PITX1: variants seen among roughly 807,000 people sequenced by gnomAD.
PITX1 encodes the protein pituitary homeobox 1.
Under a neutral mutation model 24.1 loss-of-function variants are expected in PITX1, and 5 were observed. That is an observed-to-expected ratio of 0.21 (90% CI 0.11 to 0.44). The LOEUF is 0.44. Among genes scored for constraint, PITX1 ranks in the 20% least tolerant of loss-of-function variants. The pLI is 0.99. For missense variants in PITX1, 401 were observed against 455.4 expected (o/e 0.88, Z 1.09); for synonymous variants, 213 against 208.9 (o/e 1.02, Z -0.17).
rs769968771 is a variant in PITX1 at position 135,029,033 on chromosome 5, G to T, written c.691C>A (p.Pro231Thr). 62 of 1,614,108 alleles carry T rather than the reference G, an allele frequency of 3.8e-5. No homozygotes were observed. Among genetic ancestry groups the T allele is most frequent in the Admixed American group, 1.2e-4 (7 of 60,012 alleles). Reference sequence around the variant, plus strand: ...TTGGGCATGCCAGGCACGGCGCCTGGGCCCATGCTGGACGGCATGGTCATG... The same window carrying T: ...TTGGGCATGCCAGGCACGGCGCCTGTGCCCATGCTGGACGGCATGGTCATG... ...SSMTMPSSMG[P>T]GAVPGMPNSG... Residue 231 changes from proline to threonine, a missense_variant, in exon 3 of 3, where the codon CCA becomes ACA. Coordinates refer to ENST00000265340, the MANE Select transcript of PITX1 (RefSeq NM_002653.5).
chr5:135,034,401 C>A, upstream of PITX1: 1 of 151,276 alleles, frequency 6.6e-6, no homozygotes, highest in South Asian at 1.9e-4. Flanking sequence ...CTCCCTCCCT[C>A]CCTGCCTCGC....
intron 1 of PITX1, 141 bp from the exon 2 acceptor site, chr5:135,031,649 C>T (rs1752452622): frequency 8.8e-6 from 6 of 685,168 alleles, no homozygotes; most frequent in African/African-American, 1.8e-5. Context: ...ACTGTCCCCA[C>T]TGGAAAGCGC....
rs976925828 is a variant in PITX1, at chr5:135,031,569, G to A, written c.170-61C>T. On this transcript the variant is annotated intron_variant, in intron 1 of 2. Coordinates refer to ENST00000265340, the MANE Select transcript of PITX1 (RefSeq NM_002653.5). Reference sequence around the variant, plus strand: ...CTTACGCCCCGTTGCACCCCGTCCCGGCTCCACCGAACCGCTCGCCACCAG... The same window carrying A: ...CTTACGCCCCGTTGCACCCCGTCCCAGCTCCACCGAACCGCTCGCCACCAG... The A allele has an allele frequency of 1.7e-5, 23 of 1,390,852 alleles. No individual in the cohort carries two copies. The East Asian group carries it at 3.2e-4, about 19-fold the overall frequency. The allele number at this position is 1,390,852 out of a possible 1,614,324, so 86.2% of individuals were successfully genotyped here. A position where few individuals can be genotyped will look rare whatever the true frequency, so the allele number is the denominator to read the frequency against.
chr5:135,033,848 G>C lies in PITX1; in HGVS notation c.34C>G (p.Arg12Gly), dbSNP rs1166881422. 3 of 1,504,466 alleles carry C rather than the reference G, an allele frequency of 2.0e-6. No individual in the cohort carries two copies. In the African/African-American group the frequency reaches 4.4e-5, roughly 22 times the overall value. The allele number at this position is 1,504,466 out of a possible 1,614,324, so 93.2% of individuals were successfully genotyped here. The change falls in exon 1 of 3, where the codon CGG (arginine) becomes GGG (glycine). Residue 12 changes from arginine (R) to glycine (G), a missense_variant. Arg to Gly is a moderately radical substitution (Grantham distance 125). This residue lies in a region of PITX1 where 136 missense variants were observed against 133.3 expected (regional missense o/e 1.02). Transcript: ENST00000265340. This position sits in a 1 kb window ranked among gnomAD's most constrained non-coding sequence, Gnocchi z 5.9. ...GGCGGCCGGAGCCCCTCCGGCAGCC[G>C]CTCCAGGCTCATGCCCCCCTTGAAG... ...DAFKGGMSLE[R>G]LPEGLRPPPP...
intron 2 of PITX1, among the ~76,000 whole-genome samples, chr5:135,030,401 G>C (rs1260004459): frequency 6.6e-6 from 1 of 152,234 alleles, no homozygotes; most frequent in African/African-American, 2.4e-5. Flanking sequence ...CACTGGGCTG[G>C]CCAGCCTGCC....
chr5:135,029,473 A>C (rs890515607), intron 2 of PITX1, 152 bp from the exon 3 acceptor site: 2 of 634,112 alleles, frequency 3.2e-6, no homozygotes, highest in African/African-American at 1.8e-5. Flanking sequence ...CATTCCCTCC[A>C]CAATGGTTCC....
rs1191865975 is a variant in PITX1, at chr5:135,028,680, A to G, written c.*99T>C. The G allele has an allele frequency of 5.1e-6, 4 of 786,356 alleles. No individual in the cohort carries two copies. The African/African-American group carries it at 5.7e-5, about 11-fold the overall frequency. The allele number at this position is 786,356 out of a possible 1,614,324, so 48.7% of individuals were successfully genotyped here. A position where few individuals can be genotyped will look rare whatever the true frequency, so the allele number is the denominator to read the frequency against. On this transcript the variant is annotated 3_prime_UTR_variant, in exon 3 of 3. Transcript: ENST00000265340. The stretch of plus-strand genomic sequence containing the variant: ...CAGGTGTGAGGTCCGCGGCGCGGTG[A>G]GCTGGGGCTTGCGAGCCGGGGCCCC...
In PITX1 at chr5:135,029,181, G is replaced by A; in HGVS notation, c.543C>T (p.Tyr181=). Residue 181 remains tyrosine (Y), a synonymous_variant, in exon 3 of 3, where the codon TAC becomes TAT. Transcript: ENST00000265340. The part of the protein sequence containing the change: ...YEDVYAAGYS[Y]NNWAAKSLAP... ...CCAGGCTCTTGGCGGCCCAGTTGTT[G>A]TAGGAGTAGCCGGCGGCGTACACGT... The A allele has an allele frequency of 1.2e-6, 2 of 1,614,250 alleles. No homozygotes were observed. The highest frequency in any genetic ancestry group is 1.6e-4 in the Middle Eastern group (1 of 6,062).
chr5:135,031,344 G>A lies in PITX1; in HGVS notation c.334C>T (p.Arg112Cys). Residue 112 changes from arginine (R) to cysteine (C), a missense_variant, in exon 2 of 3, where the codon CGC becomes TGC. Arg to Cys is a radical substitution (Grantham distance 180, BLOSUM62 -3). Coordinates refer to ENST00000265340, the MANE Select transcript of PITX1 (RefSeq NM_002653.5). The stretch of plus-strand genomic sequence containing the variant: ...TCCCTCATGCTCATGTCGGGGTAGC[G>A]GTTCCTCTGGAACGTGGCCTCTAGC... ...QELEATFQRN[R>C]YPDMSMREEI... 3 of 1,614,086 alleles carry A rather than the reference G, an allele frequency of 1.9e-6. No homozygotes were observed. Among genetic ancestry groups the A allele is most frequent in the African/African-American group, 1.3e-5 (1 of 75,046 alleles).
In PITX1 at chr5:135,033,935, C is replaced by G. The variant is rs1752515188; in HGVS notation, c.-54G>C. On this transcript the variant is annotated 5_prime_UTR_variant, in exon 1 of 3. Coordinates refer to ENST00000265340, the MANE Select transcript of PITX1 (RefSeq NM_002653.5). The surrounding 1 kb of genome is among the most constrained non-coding windows in gnomAD (Gnocchi z 5.9). ...GGGGCCGGGGCTGGGCGCGCCCCGC[C>G]GCCCTGGCTGCGACCTGCGGGGACA... 1 of 1,175,872 alleles carries G rather than the reference C, an allele frequency of 8.5e-7. No individual in the cohort carries two copies. Among genetic ancestry groups the G allele is most frequent in the Non-Finnish European group, 1.1e-6 (1 of 922,184 alleles). 72.8% of individuals were successfully genotyped at this position (1,175,872 alleles called of 1,614,324 possible). A position where few individuals can be genotyped will look rare whatever the true frequency, so the allele number is the denominator to read the frequency against.
chr5:135,033,451 G>T lies in PITX1; in HGVS notation c.169+262C>A, dbSNP rs1408534751. 3.7e-6 allele frequency: 2 copies of T among 534,032 alleles called. No homozygotes were observed. The highest frequency in any genetic ancestry group is 4.0e-5 in the African/African-American group (2 of 49,422). The allele number at this position is 534,032 out of a possible 1,614,324, so 33.1% of individuals were successfully genotyped here. The stretch of plus-strand genomic sequence containing the variant: ...CGTTCTATTTACTCCTGATCAAGAG[G>T]GGCTGTCAGTCCAACCCTCCAGCTG... On this transcript the variant is annotated intron_variant, in intron 1 of 2. Coordinates refer to ENST00000265340, the MANE Select transcript of PITX1 (RefSeq NM_002653.5). This position sits in a 1 kb window ranked among gnomAD's most constrained non-coding sequence, Gnocchi z 5.9.
At position 135,031,384 on chromosome 5, in the gene PITX1, G is replaced by A. The variant is rs375811840; in HGVS notation, c.294C>T (p.Ser98=). The change falls in exon 2 of 3, where the codon AGC becomes AGT. Residue 98 remains serine, a synonymous_variant. Coordinates refer to ENST00000265340, the MANE Select transcript of PITX1 (RefSeq NM_002653.5). Reference sequence around the variant, plus strand: ...TGGCCTCTAGCTCTTGCAACTGCTGGCTTGTGAAGTGCGTACGTTGCCGCC... The same window carrying A: ...TGGCCTCTAGCTCTTGCAACTGCTGACTTGTGAAGTGCGTACGTTGCCGCC... ...KQRRQRTHFT[S]QQLQELEATF... 3 of 1,613,984 alleles carry A rather than the reference G, an allele frequency of 1.9e-6. No individual in the cohort carries two copies. Among genetic ancestry groups the A allele is most frequent in the Non-Finnish European group, 2.5e-6 (3 of 1,179,956 alleles).
Position 135,028,549 on chromosome 5 carries a change from CTTTTTT to C in PITX1, c.*224_*229del, listed in dbSNP as rs70976562. 478 of 76,332 alleles carry C rather than the reference CTTTTTT, an allele frequency of 6.3e-3. 1 individual carries two copies. The highest frequency in any genetic ancestry group is 7.7e-3 in the Non-Finnish European group (336 of 43,646). 4.7% of individuals were successfully genotyped at this position (76,332 alleles called of 1,614,324 possible). ...GGCACTTTTCTCCGACGTCTTTTTG[CTTTTTT>C]TTTTTTTTTTTTTTTTTTGTCTTTT... On this transcript the variant is annotated 3_prime_UTR_variant, in exon 3 of 3. Coordinates refer to ENST00000265340, the MANE Select transcript of PITX1 (RefSeq NM_002653.5).
Position 135,029,739 on chromosome 5 carries a change from A to G in PITX1, c.403-418T>C, listed in dbSNP as rs181058422. ...GACATAGGACTTTCCGACTCCCCCAATTCTTCGATCTATTTCATCGCTCAA... is the reference window on the plus strand; with the variant it reads ...GACATAGGACTTTCCGACTCCCCCAGTTCTTCGATCTATTTCATCGCTCAA... On this transcript the variant is annotated intron_variant, in intron 2 of 2. Transcript: ENST00000265340. 2.2e-4 allele frequency among the ~76,000 whole-genome samples: 33 copies of G among 152,278 alleles called. No individual in the cohort carries two copies. The East Asian group carries it at 4.8e-3, about 22-fold the overall frequency.
rs61751190 is a variant in PITX1 at position 135,028,845 on chromosome 5, C to T, written c.879G>A (p.Ser293=). The T allele has an allele frequency of 5.6e-5, 90 of 1,613,548 alleles. No individual in the cohort carries two copies. Among genetic ancestry groups the T allele is most frequent in the Non-Finnish European group, 7.0e-5 (83 of 1,179,902 alleles). Residue 293 remains serine, a synonymous_variant, in exon 3 of 3, where the codon TCG becomes TCA. Transcript: ENST00000265340. ...CCTGCAGGCCGCCGTAGCCAAACGACGAGTGCTGTTTGGACTTGAGCCGCA... is the reference window on the plus strand; with the variant it reads ...CCTGCAGGCCGCCGTAGCCAAACGATGAGTGCTGTTTGGACTTGAGCCGCA... ...ASLRLKSKQH[S]SFGYGGLQGP...
intron 1 of PITX1, chr5:135,032,975 C>T (rs1330261144): frequency 2.2e-6 from 1 of 448,002 alleles, no homozygotes; most frequent in African/African-American, 2.0e-5. Flanking sequence ...TGCCCCACTG[C>T]CCGCGCCGGC....
Position 135,028,957 on chromosome 5 carries a change from G to A in PITX1, c.767C>T (p.Ala256Val), listed in dbSNP as rs1236988076. The change falls in exon 3 of 3, where the codon GCC becomes GTC. Residue 256 changes from alanine (A) to valine (V), a missense_variant. Around this residue, in one of 3 missense-constraint regions of PITX1, gnomAD observed 217 missense variants for 219.8 expected, o/e 0.99. Coordinates refer to ENST00000265340, the MANE Select transcript of PITX1 (RefSeq NM_002653.5). ...NNLTGSSLNS[A>V]MSPGACPYGT... ...GTACGGGCAAGCGCCCGGCGACATG[G>A]CCGAGTTGAGCGAGGAGCCGGTGAG... 2 of 1,614,022 alleles carry A rather than the reference G, an allele frequency of 1.2e-6. No homozygotes were observed. The highest frequency in any genetic ancestry group is 2.7e-5 in the African/African-American group (2 of 74,956).
chr5:135,028,289 CG>C lies in PITX1; in HGVS notation c.*489del, dbSNP rs909735406. On this transcript the variant is annotated 3_prime_UTR_variant, in exon 3 of 3. Transcript: ENST00000265340. The stretch of plus-strand genomic sequence containing the variant: ...GAGGGCAACTTGGTTTGTACGGGGT[CG>C]GGAAATCCTAGGCAAGTCCAGGCCC... The C allele has an allele frequency of 2.0e-5, 3 of 152,496 alleles. No homozygotes were observed. The highest frequency in any genetic ancestry group is 6.5e-5 in the Admixed American group (1 of 15,312). The allele number at this position is 152,496 out of a possible 1,614,324, so 9.4% of individuals were successfully genotyped here.
chr5:135,033,335 C>A lies in PITX1; in HGVS notation c.169+378G>T, dbSNP rs193063638. Reference sequence around the variant, plus strand: ...CTCTGTCTCTCTGAGTGCGTTCTCTCGCCCGTCACCCCTCTTCCTTTCTCG... The same window carrying A: ...CTCTGTCTCTCTGAGTGCGTTCTCTAGCCCGTCACCCCTCTTCCTTTCTCG... On this transcript the variant is annotated intron_variant, in intron 1 of 2. Transcript: ENST00000265340. The surrounding 1 kb of genome is among the most constrained non-coding windows in gnomAD (Gnocchi z 5.9). The A allele has an allele frequency of 4.0e-5, 12 of 297,950 alleles. No homozygotes were observed. The highest frequency in any genetic ancestry group is 1.5e-4 in the Admixed American group (3 of 19,740). The allele number at this position is 297,950 out of a possible 1,614,324, so 18.5% of individuals were successfully genotyped here.
Sources: allele counts gnomAD v4.1 joint callset (sites outside exome capture counted in the v4.1 genomes callset), GRCh38; gene constraint gnomAD v4.1.1; regional missense constraint gnomAD v4.1.1; non-coding constraint Gnocchi (gnomAD v3.1); transcripts MANE v1.5; gene names NCBI Gene and HGNC (gene_info 2026-07-23, HGNC 2026-07-21).